The following R3HDM2 variants were observed in gnomAD, a reference collection of about 807,000 sequenced individuals.
R3HDM2 encodes the protein R3H domain-containing protein 2.
A neutral mutation model predicts 124.5 loss-of-function variants in R3HDM2; 38 were observed. The ratio of observed to expected loss-of-function variants is 0.31; its 90% confidence interval spans 0.24 to 0.40. The LOEUF (loss-of-function observed/expected upper bound fraction) is 0.40. R3HDM2 is among the 10% of genes least tolerant of loss of function. The probability of loss-of-function intolerance (pLI) is 1.00; values close to 1 mark genes in which losing one functional copy is unlikely to be tolerated. For missense variants in R3HDM2, 869 were observed against 1,236.9 expected (o/e 0.70, Z 4.46); for synonymous variants, 391 against 448.0 (o/e 0.87, Z 1.61).
chr12:57,280,834 G>A lies in R3HDM2; in HGVS notation c.1172-304C>T, dbSNP rs113251249. ...CTGAAGCACCTCCCCTGAAGTGTCT[G>A]GAATCTGTCCATCAAACTTAGATAG... On this transcript the variant is annotated intron_variant, in intron 13 of 23. Coordinates refer to ENST00000402412, the MANE Select transcript of R3HDM2 (RefSeq NM_001394031.1). Among the ~76,000 whole-genome samples the A allele has an allele frequency of 3.4e-3, 513 of 152,244 alleles. 3 individuals are homozygous for A. Among genetic ancestry groups the A allele is most frequent in the African/African-American group, 0.01 (435 of 41,552 alleles).
At chr12:57,316,304 T>C (rs2055007401) in intron 2 of R3HDM2, among the ~76,000 whole-genome samples, 1 of 152,224 alleles carries the variant, frequency 6.6e-6, no homozygotes, top group Non-Finnish European at 1.5e-5. Context: ...AAGGAGACCT[T>C]ATCCCCAATC....
Position 57,412,466 on chromosome 12 carries a change from C to A in R3HDM2, c.-105-16648G>T, listed in dbSNP as rs144818257. Reference sequence around the variant, plus strand: ...GGCTGAGGTGGGAGAATCACTTGAACCTGAGGCGGAGGCTGCAACGAGCCA... The same window carrying A: ...GGCTGAGGTGGGAGAATCACTTGAAACTGAGGCGGAGGCTGCAACGAGCCA... On this transcript the variant is annotated intron_variant, in intron 1 of 23. Transcript: ENST00000402412. 5.6e-3 allele frequency among the ~76,000 whole-genome samples: 848 copies of A among 152,144 alleles called. 3 individuals are homozygous for A. Among genetic ancestry groups the A allele is most frequent in the Non-Finnish European group, 7.9e-3 (540 of 68,012 alleles).
At chr12:57,318,074 G>C (rs1024051104) in intron 2 of R3HDM2, among the ~76,000 whole-genome samples, 17 of 151,462 alleles carry the variant, frequency 1.1e-4, no homozygotes, top group Non-Finnish European at 1.5e-4. Flanking sequence ...TGGATTACTT[G>C]AGGTCAGGGG....
chr12:57,352,864 T>C (rs767482710), intron 2 of R3HDM2, among the ~76,000 whole-genome samples: 6 of 152,066 alleles, frequency 3.9e-5, no homozygotes, highest in Non-Finnish European at 8.8e-5. Flanking sequence ...AGAGATCCTG[T>C]ACATGACCCA....
intron 2 of R3HDM2, among the ~76,000 whole-genome samples, chr12:57,376,212 T>C (rs2064046351): frequency 6.6e-6 from 1 of 152,242 alleles, no homozygotes. Context: ...AGGACATACC[T>C]ACCTGAAGAG....
At chr12:57,265,466 C>A (rs2042090603) in intron 19 of R3HDM2, among the ~76,000 whole-genome samples, 2 of 150,930 alleles carry the variant, frequency 1.3e-5, no homozygotes, top group Middle Eastern at 3.2e-3. Context: ...TCTTCTGTGT[C>A]TTCATTTCAT....
intron 2 of R3HDM2, among the ~76,000 whole-genome samples, chr12:57,337,897 T>C (rs554202634): frequency 6.6e-5 from 10 of 152,344 alleles, no homozygotes; most frequent in African/African-American, 2.4e-4. Context: ...ATCACAATTA[T>C]TTGAATTTAA....
At chr12:57,418,055 C>T (rs2069822801) in intron 1 of R3HDM2, 1 of 616,856 alleles carries the variant, frequency 1.6e-6, no homozygotes, top group Admixed American at 6.3e-5. Context: ...TCTAGCACTC[C>T]AGATCCATTT....
intron 2 of R3HDM2, among the ~76,000 whole-genome samples, chr12:57,314,164 G>C (rs570533102): frequency 6.6e-6 from 1 of 151,142 alleles, no homozygotes; most frequent in African/African-American, 2.4e-5. Context: ...GTCCCGCCTG[G>C]GCAACAAGAG....
At position 57,254,684 on chromosome 12, in the gene R3HDM2, C is replaced by T; in HGVS notation, c.*89G>A. The T allele has an allele frequency of 8.4e-7, 1 of 1,185,616 alleles. No homozygotes were observed. Among genetic ancestry groups the T allele is most frequent in the African/African-American group, 1.5e-5 (1 of 65,144 alleles). The allele number at this position is 1,185,616 out of a possible 1,614,324, so 73.4% of individuals were successfully genotyped here. ...CAGTTTAACATCAGTTTCCTTACTT[C>T]CTGCCTCTGTCCATGGTCTGTCAGG... On this transcript the variant is annotated 3_prime_UTR_variant, in exon 24 of 24. Transcript: ENST00000402412.
At chr12:57,312,639 G>C (rs2054152387) in intron 2 of R3HDM2, among the ~76,000 whole-genome samples, 1 of 152,104 alleles carries the variant, frequency 6.6e-6, no homozygotes, top group African/African-American at 2.4e-5. Flanking sequence ...GGGAAGCCGA[G>C]GTGGGCAGAT....
At chr12:57,280,627 T>C (rs1478323601) in intron 13 of R3HDM2, 97 bp from the exon 14 acceptor site, 4 of 1,158,058 alleles carry the variant, frequency 3.5e-6, no homozygotes, top group Non-Finnish European at 4.7e-6. Flanking sequence ...TTTCTTTGCC[T>C]TTCCTCTTTA....
chr12:57,337,139 TTTG>T (rs528126049), intron 2 of R3HDM2, among the ~76,000 whole-genome samples: 38 of 151,322 alleles, frequency 2.5e-4, no homozygotes, highest in African/African-American at 8.0e-4. Context: ...TTTCTCTCTT[TTTG>T]TTGTTGTTGT....
chr12:57,430,503 GC>G (rs1869577400), intron 1 of R3HDM2: 1 of 273,682 alleles, frequency 3.7e-6, no homozygotes. Context: ...CCGCACCGCC[GC>G]CCTCCGCCCC....
At chr12:57,346,465 A>G (rs2060102991) in intron 2 of R3HDM2, among the ~76,000 whole-genome samples, 1 of 148,928 alleles carries the variant, frequency 6.7e-6, no homozygotes, top group African/African-American at 2.4e-5. Context: ...TCTCAAAAAC[A>G]AAAAAAAAAG....
intron 2 of R3HDM2, among the ~76,000 whole-genome samples, chr12:57,360,006 A>AATATATAT (rs1366274892): frequency 0.046 from 5,408 of 117,426 alleles, 186 homozygotes; most frequent in Non-Finnish European, 0.066. Context: ...TAAATAAATA[A>AATATATAT]ATATATATAT....
chr12:57,421,721 G>C (rs1271955618), intron 1 of R3HDM2, among the ~76,000 whole-genome samples: 1 of 151,210 alleles, frequency 6.6e-6, no homozygotes, highest in African/African-American at 2.4e-5. Context: ...GTTGCCCCAG[G>C]CTAGTCTCGA....
intron 2 of R3HDM2, among the ~76,000 whole-genome samples, chr12:57,323,811 C>T (rs1276160727): frequency 2.0e-5 from 3 of 152,132 alleles, no homozygotes; most frequent in African/African-American, 7.2e-5. Context: ...TTTTTACGTC[C>T]TAAAGTGGAA....
chr12:57,282,299 C>CAA (rs796325846), intron 13 of R3HDM2, among the ~76,000 whole-genome samples: 64 of 127,994 alleles, frequency 5.0e-4, no homozygotes, highest in Admixed American at 1.4e-3. Context: ...GACTCCATCT[C>CAA]AAAAAAAAAA....
Sources: gnomAD v4.1 joint callset for allele counts (sites outside exome capture counted in the v4.1 genomes callset) on GRCh38, gnomAD v4.1.1 for gene constraint, MANE v1.5 for transcripts, NCBI Gene and HGNC (gene_info 2026-07-23, HGNC 2026-07-21) for gene names.